Variants in TMEM178B observed in about 807,000 individuals in gnomAD.
TMEM178B encodes transmembrane protein 178B.
TMEM178B carries 5 observed loss-of-function variants against 31.0 expected under a neutral mutation model. That is an observed-to-expected ratio of 0.16 (90% CI 0.08 to 0.34). The LOEUF is 0.34. Ranked by LOEUF, TMEM178B falls within the 10% of genes least tolerant of loss-of-function variation. TMEM178B has a pLI of 1.00. For missense variants in TMEM178B, 275 were observed against 400.3 expected, an observed-to-expected ratio of 0.69 and a Z score of 2.67; for synonymous variants, 164 against 164.0, an observed-to-expected ratio of 1.00 and a Z score of 0.00.
At chr7:141,371,030 C>A (rs1800106008) in intron 2 of TMEM178B, among the ~76,000 whole-genome samples, 1 of 152,234 alleles carries the variant, frequency 6.6e-6, no homozygotes, top group African/African-American at 2.4e-5. Flanking sequence ...TGGAAATATT[C>A]ATTAGCTTAT....
At chr7:141,083,988 A>AGAGATGGGG (rs1225943321) in intron 1 of TMEM178B, among the ~76,000 whole-genome samples, 1 of 152,046 alleles carries the variant, frequency 6.6e-6, no homozygotes, top group Non-Finnish European at 1.5e-5. Flanking sequence ...TATTTTTAGT[A>AGAGATGGGG]GAGATGGGGC....
intron 2 of TMEM178B, among the ~76,000 whole-genome samples, chr7:141,252,257 G>A (rs529104826): frequency 1.3e-5 from 2 of 152,196 alleles, no homozygotes; most frequent in African/African-American, 2.4e-5. Flanking sequence ...GGACCCTTGC[G>A]ATAGGAGAGG....
chr7:141,496,526 C>A, the TMEM178B span, among the ~76,000 whole-genome samples: 4 of 148,966 alleles, frequency 2.7e-5, no homozygotes, highest in Non-Finnish European at 4.4e-5. Context: ...AAAAATTAGC[C>A]AGGTGTAGTG....
Position 141,130,862 on chromosome 7 carries a change from A to G in TMEM178B, c.382+56170A>G, listed in dbSNP as rs185159400. ...CCTTCCAACTTCACACCTTAATTAG[A>G]AAAACTTAAAAGCAAGATGGCCTTT... On this transcript the variant is annotated intron_variant, in intron 1 of 3. Coordinates refer to ENST00000565468, the MANE Select transcript of TMEM178B (RefSeq NM_001195278.2). 5.0e-3 allele frequency among the ~76,000 whole-genome samples: 761 copies of G among 152,326 alleles called. 10 individuals carry two copies. Among genetic ancestry groups the G allele is most frequent in the African/African-American group, 0.018 (733 of 41,576 alleles).
chr7:141,348,805 C>T (rs1799661548), intron 2 of TMEM178B, among the ~76,000 whole-genome samples: 1 of 152,150 alleles, frequency 6.6e-6, no homozygotes, highest in South Asian at 2.1e-4. Context: ...TCTAGTTAAG[C>T]TAATGAAACC....
chr7:141,099,422 A>T (rs1795016031), intron 1 of TMEM178B, among the ~76,000 whole-genome samples: 1 of 152,214 alleles, frequency 6.6e-6, no homozygotes, highest in Non-Finnish European at 1.5e-5. Context: ...AAACTTTCTT[A>T]CATGTCTGGG....
chr7:141,174,916 G>C (rs1164853686), intron 1 of TMEM178B, among the ~76,000 whole-genome samples: 2 of 152,186 alleles, frequency 1.3e-5, no homozygotes. Flanking sequence ...TAGGTCACCT[G>C]TTCACTCTGA....
intron 1 of TMEM178B, among the ~76,000 whole-genome samples, chr7:141,168,558 G>C (rs2129182480): frequency 6.6e-6 from 1 of 152,246 alleles, no homozygotes; most frequent in South Asian, 2.1e-4. Context: ...GAACACTTGA[G>C]GTCAGGAGTT....
Position 141,441,769 on chromosome 7 carries a change from A to G in TMEM178B, c.634+4024A>G, listed in dbSNP as rs551481158. ...TCCCCAACCTCTCCTCTCTTCCAAT[A>G]TGAAGGAAGATGGCCTGCGCTGGGC... On this transcript the variant is annotated intron_variant, in intron 3 of 3. Transcript: ENST00000565468. 1.8e-4 allele frequency among the ~76,000 whole-genome samples: 27 copies of G among 152,354 alleles called. No individual in the cohort carries two copies. The South Asian group carries it at 5.0e-3, about 28-fold the overall frequency.
At chr7:141,233,607 G>T (rs1157829837) in intron 2 of TMEM178B, among the ~76,000 whole-genome samples, 2 of 152,168 alleles carry the variant, frequency 1.3e-5, no homozygotes, top group East Asian at 3.9e-4. Flanking sequence ...TATGTGTTTT[G>T]TGAGGGAAGA....
At chr7:141,469,763 T>C (rs1346987628) in intron 3 of TMEM178B, among the ~76,000 whole-genome samples, 1 of 152,254 alleles carries the variant, frequency 6.6e-6, no homozygotes, top group African/African-American at 2.4e-5. Context: ...TTCTACCTCT[T>C]ATAGCAGTTT....
chr7:141,416,665 T>C (rs1433593909), intron 2 of TMEM178B, among the ~76,000 whole-genome samples: 1 of 152,216 alleles, frequency 6.6e-6, no homozygotes, highest in African/African-American at 2.4e-5. Flanking sequence ...TGTTCTGGAT[T>C]TTCACATATC....
chr7:141,124,654 T>C (rs1043917559), intron 1 of TMEM178B, among the ~76,000 whole-genome samples: 1 of 152,198 alleles, frequency 6.6e-6, no homozygotes, highest in Non-Finnish European at 1.5e-5. Context: ...CCCCAGCACC[T>C]AGCAGAGTGT....
chr7:141,437,583 CTG>C (rs1468946063), intron 2 of TMEM178B, 23 bp from the exon 3 acceptor site: 19 of 1,535,274 alleles, frequency 1.2e-5, no homozygotes, highest in Admixed American at 2.0e-5. Flanking sequence ...CTGCTGCTGA[CTG>C]TTGCTCGCCT....
At chr7:141,267,678 A>G (rs529910884) in intron 2 of TMEM178B, among the ~76,000 whole-genome samples, 1 of 152,378 alleles carries the variant, frequency 6.6e-6, no homozygotes, top group South Asian at 2.1e-4. Context: ...CGGCACTGCT[A>G]CAGTCTTCTC....
At chr7:141,306,320 C>G (rs1798815129) in intron 2 of TMEM178B, among the ~76,000 whole-genome samples, 1 of 152,064 alleles carries the variant, frequency 6.6e-6, no homozygotes, top group Non-Finnish European at 1.5e-5. Context: ...GAGGGGCCAT[C>G]ATGGAGGGAT....
chr7:141,388,718 G>A (rs1330254100), intron 2 of TMEM178B, among the ~76,000 whole-genome samples: 2 of 152,194 alleles, frequency 1.3e-5, no homozygotes, highest in Non-Finnish European at 2.9e-5. Context: ...GCTTTCACAT[G>A]TTCAACTCCT....
At chr7:141,077,236 A>G (rs1199995516) in intron 1 of TMEM178B, among the ~76,000 whole-genome samples, 1 of 152,274 alleles carries the variant, frequency 6.6e-6, no homozygotes, top group Non-Finnish European at 1.5e-5. Context: ...AAACCGCAAA[A>G]GAGATCTCAG....
intron 2 of TMEM178B, among the ~76,000 whole-genome samples, chr7:141,321,578 T>A (rs1051195459): frequency 2.0e-5 from 3 of 152,168 alleles, no homozygotes; most frequent in African/African-American, 7.2e-5. Flanking sequence ...CACAATTCCT[T>A]GAGTGTGGCT....
Sources: allele counts gnomAD v4.1 joint callset (sites outside exome capture counted in the v4.1 genomes callset), GRCh38; gene constraint gnomAD v4.1.1; transcripts MANE v1.5; gene names NCBI Gene and HGNC (gene_info 2026-07-23, HGNC 2026-07-21).